Variants in NEDD9 observed in about 807,000 individuals in gnomAD.
NEDD9 encodes neural precursor cell expressed, developmentally down-regulated 9.
Under a neutral mutation model 76.6 loss-of-function variants are expected in NEDD9, and 26 were observed. That is an observed-to-expected ratio of 0.34 (90% CI 0.25 to 0.47). The LOEUF (loss-of-function observed/expected upper bound fraction) is 0.47, where lower values mean the gene tolerates loss of function less well. NEDD9 is among the 20% of genes least tolerant of loss of function. NEDD9 has a pLI of 1.00. For synonymous variants in NEDD9, 392 were observed against 414.2 expected (o/e 0.95, Z 0.65); for missense variants, 937 against 1,058.5 (o/e 0.89, Z 1.59).
intron 3 of NEDD9, among the ~76,000 whole-genome samples, chr6:11,275,579 C>T (rs1189827549): frequency 7.1e-6 from 1 of 141,440 alleles, no homozygotes; most frequent in East Asian, 2.0e-4. Flanking sequence ...TATATATATA[C>T]AAAATTTTTT....
intron 1 of NEDD9, among the ~76,000 whole-genome samples, chr6:11,222,982 T>C (rs2113775078): frequency 6.6e-6 from 1 of 152,324 alleles, no homozygotes; most frequent in South Asian, 2.1e-4. Context: ...GTACGGGCAA[T>C]GTTTAGTGGC....
At chr6:11,204,089 G>A (rs971778065) in intron 2 of NEDD9, among the ~76,000 whole-genome samples, 2 of 152,132 alleles carry the variant, frequency 1.3e-5, no homozygotes, top group Non-Finnish European at 2.9e-5. Flanking sequence ...GATCATTAGA[G>A]ATAATCTAGC....
chr6:11,199,737 C>T (rs1335725062), intron 2 of NEDD9: 10 of 140,538 alleles, frequency 7.1e-5, no homozygotes, highest in African/African-American at 2.6e-4. Context: ...CTCGGCTCAC[C>T]GCAAGCTCCG....
chr6:11,361,599 C>G (rs957831246), intron 1 of NEDD9, among the ~76,000 whole-genome samples: 6 of 152,130 alleles, frequency 3.9e-5, no homozygotes, highest in Non-Finnish European at 8.8e-5. Context: ...ACCTTCAGCA[C>G]TGGAGATTAC....
chr6:11,345,085 A>G (rs1762340689), intron 1 of NEDD9, among the ~76,000 whole-genome samples: 1 of 152,130 alleles, frequency 6.6e-6, no homozygotes, highest in Non-Finnish European at 1.5e-5. Flanking sequence ...GGCGGTGGAG[A>G]AGAGGGCTTA....
chr6:11,222,899 T>C (rs944697709), intron 1 of NEDD9, among the ~76,000 whole-genome samples: 2 of 152,240 alleles, frequency 1.3e-5, no homozygotes, highest in Non-Finnish European at 2.9e-5. Flanking sequence ...AGTAGGGCAG[T>C]TATTTTTAAG....
Position 11,232,592 on chromosome 6 carries a change from T to G in NEDD9, c.-77A>C. 6.2e-7 allele frequency: 1 copy of G among 1,612,750 alleles called. No homozygotes were observed. Among genetic ancestry groups the G allele is most frequent in the South Asian group, 1.1e-5 (1 of 91,046 alleles). ...AGCACTGCGGTGCCCGCCCCTCCAT[T>G]GAGTGCAGCGCTAGATGAAAGCGAG... is the stretch of plus-strand genomic sequence containing the variant. On this transcript the variant is annotated 5_prime_UTR_variant, in exon 1 of 7. Coordinates refer to ENST00000379446, the MANE Select transcript of NEDD9 (RefSeq NM_006403.4).
chr6:11,189,531 G>A (rs1014729861), intron 5 of NEDD9, among the ~76,000 whole-genome samples: 14 of 152,070 alleles, frequency 9.2e-5, no homozygotes, highest in South Asian at 2.1e-4. Context: ...TCTTAATGAC[G>A]AAAACTTTTT....
intron 1 of NEDD9, among the ~76,000 whole-genome samples, chr6:11,372,185 T>C (rs1316695038): frequency 1.4e-5 from 2 of 142,572 alleles, no homozygotes; most frequent in Admixed American, 1.4e-4. Context: ...CATCCCTCTA[T>C]TGTCTGTCTT....
Position 11,229,357 on chromosome 6 carries a change from G to A in NEDD9, c.12+3147C>T, listed in dbSNP as rs181158238. Among the ~76,000 whole-genome samples the A allele has an allele frequency of 3.0e-3, 451 of 152,296 alleles. 1 individual carries two copies. The highest frequency in any genetic ancestry group is 5.0e-3 in the Non-Finnish European group (337 of 68,010). ...CTCAGCCATTAGCAGCCAGGCCAAG[G>A]GGCCGCTGAGCCCCCGCCCGGGCTG... On this transcript the variant is annotated intron_variant, in intron 1 of 6. Coordinates refer to ENST00000379446, the MANE Select transcript of NEDD9 (RefSeq NM_006403.4).
At position 11,185,189 on chromosome 6, in the gene NEDD9, G is replaced by C; in HGVS notation, c.2478C>G (p.Arg826=). The part of the protein sequence containing the change: ...DLSRNAQLFK[R]SLLEMATF ...AGAACGTTGCCATCTCCAGCAAAGA[G>C]CGCTTGAACAGCTGGGCATTTCTAG... The change falls in exon 7 of 7, where the codon CGC becomes CGG. Residue 826 remains arginine, a synonymous_variant. Coordinates refer to ENST00000379446, the MANE Select transcript of NEDD9 (RefSeq NM_006403.4). 3.7e-6 allele frequency: 6 copies of C among 1,613,290 alleles called. No individual in the cohort carries two copies. The highest frequency in any genetic ancestry group is 5.1e-6 in the Non-Finnish European group (6 of 1,179,358).
intron 2 of NEDD9, among the ~76,000 whole-genome samples, chr6:11,205,211 C>A (rs1758573164): frequency 6.6e-6 from 1 of 152,226 alleles, no homozygotes; most frequent in Admixed American, 6.5e-5. Flanking sequence ...ACCTCAGTTC[C>A]CTCCTCTGAA....
At chr6:11,232,717 T>G (rs1759521496), upstream of NEDD9, 1 of 1,432,758 alleles carries the variant, frequency 7.0e-7, no homozygotes, top group South Asian at 1.5e-5. Flanking sequence ...CTCATTTGCA[T>G]GCCGCCCCGC....
chr6:11,275,545 TACACAC>T (rs71550763), intron 3 of NEDD9, among the ~76,000 whole-genome samples: 5 of 149,824 alleles, frequency 3.3e-5, no homozygotes, highest in African/African-American at 1.2e-4. Context: ...AATACATACA[TACACAC>T]ACACACACAC....
chr6:11,233,142 C>CT, upstream of NEDD9: 1 of 449,152 alleles, frequency 2.2e-6, no homozygotes, highest in Non-Finnish European at 4.5e-6. Flanking sequence ...CCTGCTGATA[C>CT]CTCTCTCTCT....
At position 11,193,193 on chromosome 6, in the gene NEDD9, T is replaced by C. The variant is rs146418527; in HGVS notation, c.561+398A>G. ...TGGTGTGTGTGCCTGTAGTCCCAGC[T>C]ACTTGGGAAGCTGAGGCAGGGGCAG... On this transcript the variant is annotated intron_variant, in intron 3 of 6. Transcript: ENST00000379446. 5.4e-3 allele frequency among the ~76,000 whole-genome samples: 813 copies of C among 151,168 alleles called. 13 individuals carry two copies. The highest frequency in any genetic ancestry group is 0.019 in the African/African-American group (789 of 41,170).
chr6:11,276,397 ATGTG>A (rs1001460671), intron 3 of NEDD9, among the ~76,000 whole-genome samples: 2 of 151,994 alleles, frequency 1.3e-5, no homozygotes, highest in Non-Finnish European at 2.9e-5. Flanking sequence ...GTGTGCGTGC[ATGTG>A]TGTGTGCACG....
chr6:11,369,707 AT>A (rs1480316018), intron 1 of NEDD9, among the ~76,000 whole-genome samples: 1 of 152,278 alleles, frequency 6.6e-6, no homozygotes, highest in Non-Finnish European at 1.5e-5. Context: ...AATGAGATAG[AT>A]AAAAATGGGC....
intron 3 of NEDD9, among the ~76,000 whole-genome samples, chr6:11,268,849 G>A (rs1371390703): frequency 6.6e-6 from 1 of 151,998 alleles, no homozygotes; most frequent in Non-Finnish European, 1.5e-5. Context: ...CATATCCTAG[G>A]TTTTAACCTG....
Sources: gnomAD v4.1 joint callset for allele counts (sites outside exome capture counted in the v4.1 genomes callset) on GRCh38, gnomAD v4.1.1 for gene constraint, MANE v1.5 for transcripts, NCBI Gene and HGNC (gene_info 2026-07-23, HGNC 2026-07-21) for gene names.